Variants in CDIN1 observed in about 807,000 individuals in gnomAD.
CDIN1 encodes the protein CDAN1-interacting nuclease 1.
CDIN1 carries 33 observed loss-of-function variants against 45.3 expected under a neutral mutation model. The ratio of observed to expected loss-of-function variants is 0.73; its 90% CI spans 0.55 to 0.97. The LOEUF is 0.97. CDIN1 is among the 50% of genes least tolerant of loss of function. The probability of loss-of-function intolerance (pLI) is 0.00; values close to 1 mark genes in which losing one functional copy is unlikely to be tolerated. For missense variants in CDIN1, 303 were observed against 339.4 expected (o/e 0.89, Z 0.84); for synonymous variants, 118 against 124.4 (o/e 0.95, Z 0.34).
At chr15:36,607,899 A>T (rs1178364799) in intron 1 of CDIN1, among the ~76,000 whole-genome samples, 1 of 152,200 alleles carries the variant, frequency 6.6e-6, no homozygotes, top group East Asian at 1.9e-4. Flanking sequence ...CTAGGCGATC[A>T]CTAATCTACT....
At chr15:36,734,399 AT>A (rs5811933) in intron 10 of CDIN1, 65,836 of 385,822 alleles carry the variant, frequency 0.17, 5,359 homozygotes, top group East Asian at 0.29. Flanking sequence ...AACTTTTATA[AT>A]TTTTTTTTTT....
intron 10 of CDIN1, among the ~76,000 whole-genome samples, chr15:36,758,503 T>A (rs1005659677): frequency 1.3e-5 from 2 of 152,330 alleles, no homozygotes; most frequent in Non-Finnish European, 1.5e-5. Flanking sequence ...GTTGATTGCA[T>A]GATCTTGATG....
At chr15:36,667,329 A>G (rs1298655939) in intron 5 of CDIN1, among the ~76,000 whole-genome samples, 1 of 152,190 alleles carries the variant, frequency 6.6e-6, no homozygotes, top group African/African-American at 2.4e-5. Context: ...TCTTTGTAAA[A>G]AGGAGCCTTA....
chr15:36,648,381 T>A (rs1419455894), intron 3 of CDIN1, among the ~76,000 whole-genome samples: 3 of 151,912 alleles, frequency 2.0e-5, no homozygotes, highest in Non-Finnish European at 4.4e-5. Context: ...AGTATCATAA[T>A]TTACTGAATT....
chr15:36,730,845 C>T (rs535218096), intron 10 of CDIN1, among the ~76,000 whole-genome samples: 2 of 152,180 alleles, frequency 1.3e-5, no homozygotes, highest in African/African-American at 4.8e-5. Context: ...TATTATCAGG[C>T]TTGCTCATCG....
intron 1 of CDIN1, among the ~76,000 whole-genome samples, chr15:36,604,491 G>A (rs79432116): frequency 0.018 from 2,707 of 146,424 alleles, 41 homozygotes; most frequent in Non-Finnish European, 0.027. Context: ...AATACTTTTG[G>A]GGAGCAATAA....
chr15:36,636,563 C>CA (rs1031862066), intron 1 of CDIN1, among the ~76,000 whole-genome samples: 66 of 150,376 alleles, frequency 4.4e-4, no homozygotes, highest in South Asian at 2.1e-4. Flanking sequence ...AAAACAAAAA[C>CA]AAAAAAAACA....
At chr15:36,706,707 A>C (rs2042879459) in intron 8 of CDIN1, 1 of 152,192 alleles carries the variant, frequency 6.6e-6, no homozygotes, top group Non-Finnish European at 1.5e-5. Flanking sequence ...AATTGAGATG[A>C]ACCTCAGATG....
At chr15:36,691,834 C>A in intron 6 of CDIN1, 70 bp downstream of exon 6, 2 of 1,212,814 alleles carry the variant, frequency 1.6e-6, no homozygotes, top group Non-Finnish European at 2.4e-6. Context: ...GGATTTTAAA[C>A]CTCATTTAAT....
intron 10 of CDIN1, among the ~76,000 whole-genome samples, chr15:36,788,100 ATATATATTTTTTTTTTT>A (rs1246050723): frequency 2.2e-4 from 8 of 35,718 alleles, no homozygotes; most frequent in African/African-American, 8.7e-4. Context: ...ATATATATAT[ATATATATTTTTTTTTTT>A]TTTTTTTTTT....
At chr15:36,604,621 T>C (rs2038275908) in intron 1 of CDIN1, among the ~76,000 whole-genome samples, 1 of 152,146 alleles carries the variant, frequency 6.6e-6, no homozygotes, top group South Asian at 2.1e-4. Flanking sequence ...ATATAGTTAG[T>C]ACACTCAGAA....
chr15:36,792,118 C>A (rs1009189355), intron 10 of CDIN1, among the ~76,000 whole-genome samples: 5 of 152,178 alleles, frequency 3.3e-5, no homozygotes, highest in Non-Finnish European at 5.9e-5. Context: ...ACAAGCTTAA[C>A]TAAATGTTTA....
At chr15:36,638,194 C>T (rs138418638) in intron 1 of CDIN1, among the ~76,000 whole-genome samples, 2 of 152,078 alleles carry the variant, frequency 1.3e-5, no homozygotes, top group South Asian at 2.1e-4. Flanking sequence ...ATGTTTAACA[C>T]ACAATTTTTA....
At chr15:36,777,163 A>G (rs1043353206) in intron 10 of CDIN1, among the ~76,000 whole-genome samples, 8 of 152,200 alleles carry the variant, frequency 5.3e-5, no homozygotes, top group Admixed American at 3.3e-4. Context: ...TGTGTATTTA[A>G]TAGGTCCATC....
chr15:36,710,867 G>A (rs570776293), intron 10 of CDIN1, among the ~76,000 whole-genome samples: 63 of 152,174 alleles, frequency 4.1e-4, no homozygotes, highest in Non-Finnish European at 7.8e-4. Context: ...GCATTATATT[G>A]TTACTCAGCT....
intron 10 of CDIN1, among the ~76,000 whole-genome samples, chr15:36,800,709 T>C (rs993580456): frequency 6.6e-6 from 1 of 151,540 alleles, no homozygotes; most frequent in Non-Finnish European, 1.5e-5. Flanking sequence ...GCACTCTTCA[T>C]AAAAACCACA....
At chr15:36,658,204 A>T (rs1371456753) in intron 5 of CDIN1, 1 of 216,224 alleles carries the variant, frequency 4.6e-6, no homozygotes, top group Non-Finnish European at 9.1e-6. Context: ...TCATTTGAAA[A>T]ACCATTGTCA....
intron 10 of CDIN1, chr15:36,734,463 G>T: frequency 2.9e-6 from 1 of 349,366 alleles, no homozygotes; most frequent in Non-Finnish European, 5.5e-6. Flanking sequence ...TTAATTAACA[G>T]TATATCTCCA....
chr15:36,669,097 C>T (rs1156474492), intron 5 of CDIN1: 2 of 152,094 alleles, frequency 1.3e-5, no homozygotes. Flanking sequence ...TTACGATGCT[C>T]TGTATGGGCG....
Sources: allele counts gnomAD v4.1 joint callset (sites outside exome capture counted in the v4.1 genomes callset), GRCh38; gene constraint gnomAD v4.1.1; transcripts MANE v1.5; gene names NCBI Gene and HGNC (gene_info 2026-07-23, HGNC 2026-07-21).